The following AQP8 variants were observed in gnomAD, a reference collection of about 807,000 sequenced individuals.
The protein encoded by AQP8 is aquaporin-8.
In AQP8, 14 loss-of-function variants were observed where a neutral mutation model predicts 26.1. That is an observed-to-expected ratio of 0.54 (90% CI 0.35 to 0.84). The LOEUF is 0.84. AQP8 is among the 40% of genes least tolerant of loss of function. The pLI is 0.01. For missense variants in AQP8, 301 were observed against 340.5 expected, an observed-to-expected ratio of 0.88 and a Z score of 0.91; for synonymous variants, 131 against 150.7, an observed-to-expected ratio of 0.87 and a Z score of 0.96.
At chr16:25,217,714 G>C (rs1301326811) in intron 2 of AQP8, among the ~76,000 whole-genome samples, 1 of 152,226 alleles carries the variant, frequency 6.6e-6, no homozygotes, top group Non-Finnish European at 1.5e-5. Context: ...TTGTTGTAGA[G>C]ATGGGGTCTC....
intron 2 of AQP8, among the ~76,000 whole-genome samples, chr16:25,219,907 G>GGT (rs1335062918): frequency 6.6e-6 from 1 of 152,056 alleles, no homozygotes. Context: ...CGTGGTGGCA[G>GGT]CCCCGTTATC....
rs1372949968 is a variant in AQP8, at chr16:25,217,019, G to A, written c.-27G>A. ...AGGTTTCCCAGCAGCTCAGGCAAGA[G>A]TCCGATGTTTGTGCCATCTGATCCT... On this transcript the variant is annotated 5_prime_UTR_variant, in exon 1 of 6. Transcript: ENST00000219660. 5.0e-6 allele frequency: 8 copies of A among 1,613,814 alleles called. No homozygotes were observed. Among genetic ancestry groups the A allele is most frequent in the Non-Finnish European group, 6.8e-6 (8 of 1,180,056 alleles).
intron 5 of AQP8, 123 bp from the exon 6 acceptor site, chr16:25,228,321 T>C (rs928099223): frequency 1.3e-6 from 1 of 799,462 alleles, no homozygotes; most frequent in Admixed American, 2.2e-5. Flanking sequence ...CAAGGGGATC[T>C]GGCTATTAAG....
intron 3 of AQP8, among the ~76,000 whole-genome samples, chr16:25,222,679 G>C (rs944972629): frequency 1.3e-4 from 19 of 151,758 alleles, no homozygotes; most frequent in African/African-American, 3.4e-4. Context: ...GTGTGTGTGT[G>C]GGGGGTGGTG....
At chr16:25,224,799 TG>T (rs2141345364) in intron 4 of AQP8, among the ~76,000 whole-genome samples, 1 of 152,336 alleles carries the variant, frequency 6.6e-6, no homozygotes, top group African/African-American at 2.4e-5. Flanking sequence ...GCTGGGTACA[TG>T]GGTCTGGGCT....
intron 5 of AQP8, among the ~76,000 whole-genome samples, 199 bp downstream of exon 5, chr16:25,227,401 A>G (rs1567345521): frequency 6.6e-6 from 1 of 152,236 alleles, no homozygotes; most frequent in Non-Finnish European, 1.5e-5. Flanking sequence ...AGCTTATGTC[A>G]TAAAGAGGAA....
At chr16:25,217,677 C>A (rs1243361999) in intron 2 of AQP8, among the ~76,000 whole-genome samples, 1 of 152,186 alleles carries the variant, frequency 6.6e-6, no homozygotes, top group Non-Finnish European at 1.5e-5. Flanking sequence ...CAGGCATGCG[C>A]CGCAGCACCC....
intron 2 of AQP8, among the ~76,000 whole-genome samples, chr16:25,217,821 C>A (rs1200134611): frequency 2.6e-5 from 4 of 152,140 alleles, no homozygotes; most frequent in African/African-American, 9.7e-5. Context: ...AGACACCATG[C>A]CTGGCTGGCA....
chr16:25,217,132 G>A, intron 1 of AQP8, 66 bp from the exon 2 acceptor site: 1 of 1,613,358 alleles, frequency 6.2e-7, no homozygotes, highest in Admixed American at 1.7e-5. Flanking sequence ...AAGGTTGGGG[G>A]TCGGGGCCTT....
chr16:25,226,135 A>G (rs964321298), intron 4 of AQP8, among the ~76,000 whole-genome samples: 3 of 152,186 alleles, frequency 2.0e-5, no homozygotes, highest in African/African-American at 7.2e-5. Flanking sequence ...GTTACATGAG[A>G]TGTTTTGGTA....
At chr16:25,224,051 T>G (rs1316653999) in intron 3 of AQP8, among the ~76,000 whole-genome samples, 2 of 152,190 alleles carry the variant, frequency 1.3e-5, no homozygotes, top group East Asian at 3.9e-4. Flanking sequence ...GGTCTCAAAC[T>G]CCTGGGCTCT....
At chr16:25,222,961 C>T (rs1275351533) in intron 3 of AQP8, among the ~76,000 whole-genome samples, 1 of 152,240 alleles carries the variant, frequency 6.6e-6, no homozygotes, top group African/African-American at 2.4e-5. Flanking sequence ...TGCGGGGCAG[C>T]AGGGTTCCCT....
At position 25,227,119 on chromosome 16, in the gene AQP8, G is replaced by A. The variant is rs74644224; in HGVS notation, c.654G>A (p.Ala218=). ...ATCCCGCCCGTGCTTTTGGACCTGC[G>A]GTGGTGGCCAACCACTGGAACTTCC... The part of the protein sequence containing the change: ...CMNPARAFGP[A]VVANHWNFHW... Residue 218 remains alanine (A), a synonymous_variant, in exon 5 of 6, where the codon GCG becomes GCA. Coordinates refer to ENST00000219660, the MANE Select transcript of AQP8 (RefSeq NM_001169.3). 4.5e-3 allele frequency: 7,264 copies of A among 1,614,064 alleles called. 286 individuals carry two copies. The African/African-American group carries it at 0.085, about 19-fold the overall frequency.
chr16:25,220,875 A>G (rs1962552694), intron 2 of AQP8, among the ~76,000 whole-genome samples: 1 of 152,032 alleles, frequency 6.6e-6, no homozygotes, highest in South Asian at 2.1e-4. Flanking sequence ...ACATGGTGAA[A>G]CCTCGTCTCT....
At chr16:25,218,416 T>C (rs771410000) in intron 2 of AQP8, among the ~76,000 whole-genome samples, 110 of 152,292 alleles carry the variant, frequency 7.2e-4, no homozygotes, top group Non-Finnish European at 1.4e-3. Flanking sequence ...TCTGTGGACA[T>C]GGCTGCTGGT....
At chr16:25,222,090 G>A (rs1962570292) in intron 3 of AQP8, among the ~76,000 whole-genome samples, 1 of 150,988 alleles carries the variant, frequency 6.6e-6, no homozygotes, top group Admixed American at 6.6e-5. Flanking sequence ...TTTAGAGATA[G>A]GGTCTCACTC....
In AQP8 at chr16:25,216,968, A is replaced by T; in HGVS notation, c.-78A>T. ...GATCAGCAGGTCCTGTCCCTAGGAG[A>T]TAAGAGTATCTTGCACAGCAGGTGC... On this transcript the variant is annotated 5_prime_UTR_variant, in exon 1 of 6. Coordinates refer to ENST00000219660, the MANE Select transcript of AQP8 (RefSeq NM_001169.3). 1 of 1,596,930 alleles carries T rather than the reference A, an allele frequency of 6.3e-7. No homozygotes were observed. Among genetic ancestry groups the T allele is most frequent in the Non-Finnish European group, 8.6e-7 (1 of 1,169,262 alleles).
intron 2 of AQP8, 45 bp downstream of exon 2, chr16:25,217,490 CT>C: frequency 6.2e-7 from 1 of 1,600,510 alleles, no homozygotes. Context: ...ACTTGGGGCA[CT>C]GGGTGTGGAA....
intron 5 of AQP8, among the ~76,000 whole-genome samples, chr16:25,227,781 C>T (rs547695241): frequency 6.6e-6 from 1 of 152,078 alleles, no homozygotes; most frequent in Non-Finnish European, 1.5e-5. Context: ...AGCCACCGCG[C>T]CCAGCCAGTT....
Sources: gnomAD v4.1 joint callset for allele counts (sites outside exome capture counted in the v4.1 genomes callset) on GRCh38, gnomAD v4.1.1 for gene constraint, MANE v1.5 for transcripts, NCBI Gene and HGNC (gene_info 2026-07-23, HGNC 2026-07-21) for gene names.